DENND10: variants seen among roughly 807,000 people sequenced by gnomAD.
The protein encoded by DENND10 is DENN domain-containing protein 10.
In DENND10, 24 loss-of-function variants were observed where a neutral mutation model predicts 43.6. The ratio of observed to expected loss-of-function variants is 0.55; its 90% confidence interval spans 0.40 to 0.77. The LOEUF (loss-of-function observed/expected upper bound fraction) is 0.77, where lower values mean the gene tolerates loss of function less well. Ranked by LOEUF, DENND10 falls within the 30% of genes least tolerant of loss-of-function variation. The pLI, the probability that DENND10 is intolerant of heterozygous loss-of-function variation, is 0.00. For missense variants in DENND10, 303 were observed against 429.9 expected, an observed-to-expected ratio of 0.70 and a Z score of 2.61; for synonymous variants, 125 against 157.6, an observed-to-expected ratio of 0.79 and a Z score of 1.55.
intron 7 of DENND10, among the ~76,000 whole-genome samples, chr10:119,131,220 A>AG (rs1046789900): frequency 7.9e-5 from 12 of 152,198 alleles, no homozygotes; most frequent in African/African-American, 2.9e-4. Flanking sequence ...GCACTTTGGG[A>AG]GGCCAAGGCG....
Position 119,118,366 on chromosome 10 carries a change from ATC to A in DENND10, c.481+703_481+704del, listed in dbSNP as rs1225801686. On this transcript the variant is annotated intron_variant, in intron 4 of 8. Transcript: ENST00000361432. ...TTTCTTTTCTTAGATCTTAGCAGTT[ATC>A]TCTGTCATCTGAAGAGCCCAAGGCC... is the stretch of plus-strand genomic sequence containing the variant. 2.0e-5 allele frequency among the ~76,000 whole-genome samples: 3 copies of A among 152,322 alleles called. No individual in the cohort carries two copies. The East Asian group carries it at 5.8e-4, about 29-fold the overall frequency.
Position 119,131,794 on chromosome 10 carries a change from G to A in DENND10, c.803-721G>A, listed in dbSNP as rs1460648931. Among the ~76,000 whole-genome samples, 3 of 152,190 alleles carry A rather than the reference G, an allele frequency of 2.0e-5. No individual in the cohort carries two copies. The South Asian group carries it at 6.2e-4, about 31-fold the overall frequency. Reference sequence around the variant, plus strand: ...GGGGTCAGATCTTTACGAAATAACTGCCTTTTGCAAAGCGAAAGTGAAAGA... The same window carrying A: ...GGGGTCAGATCTTTACGAAATAACTACCTTTTGCAAAGCGAAAGTGAAAGA... On this transcript the variant is annotated intron_variant, in intron 7 of 8. Transcript: ENST00000361432.
rs574966465 is a variant in DENND10 at position 119,112,852 on chromosome 10, TTA to T, written c.332+926_332+927del. Among the ~76,000 whole-genome samples, 424 of 151,536 alleles carry T rather than the reference TTA, an allele frequency of 2.8e-3. 1 individual carries two copies. The highest frequency in any genetic ancestry group is 0.014 in the Middle Eastern group (4 of 292). ...GAAGGCTTTTGCAGAGTTTTATTTATTATGTTTTTTTTTTTGAGACAGAGTCT... is the reference window on the plus strand; with the variant it reads ...GAAGGCTTTTGCAGAGTTTTATTTATTGTTTTTTTTTTTGAGACAGAGTCT... On this transcript the variant is annotated intron_variant, in intron 3 of 8. Transcript: ENST00000361432.
intron 3 of DENND10, among the ~76,000 whole-genome samples, chr10:119,115,316 G>C (rs911940819): frequency 1.3e-5 from 2 of 149,478 alleles, no homozygotes; most frequent in African/African-American, 4.9e-5. Context: ...TATTTTACAT[G>C]TGTGAAAGCT....
chr10:119,117,781 C>T (rs928643218), intron 4 of DENND10, 114 bp downstream of exon 4: 11 of 1,011,788 alleles, frequency 1.1e-5, no homozygotes, highest in Admixed American at 8.0e-5. Flanking sequence ...TCCTGGTTAA[C>T]ATGGTGAAAC....
chr10:119,119,593 A>T (rs1473862931), intron 4 of DENND10, among the ~76,000 whole-genome samples: 2 of 149,502 alleles, frequency 1.3e-5, no homozygotes, highest in Admixed American at 1.3e-4. Flanking sequence ...ATTTTTAAAC[A>T]TTTTTTAGAG....
intron 5 of DENND10, among the ~76,000 whole-genome samples, chr10:119,121,602 G>A (rs538818979): frequency 2.0e-5 from 3 of 151,608 alleles, no homozygotes; most frequent in Non-Finnish European, 2.9e-5. Context: ...CTACAGGTGC[G>A]CACCACCACG....
chr10:119,111,593 TTGAG>T (rs1372090369), intron 2 of DENND10, among the ~76,000 whole-genome samples: 2 of 150,872 alleles, frequency 1.3e-5, no homozygotes, highest in Admixed American at 6.6e-5. Flanking sequence ...TTTTTTATAT[TTGAG>T]TGAAGTATTT....
intron 8 of DENND10, among the ~76,000 whole-genome samples, chr10:119,136,245 GGAGTGCAGT>G (rs144557769): frequency 0.35 from 52,696 of 151,582 alleles, 9,856 homozygotes; most frequent in Non-Finnish European, 0.42. Flanking sequence ...TGCCCAGGCT[GGAGTGCAGT>G]GGTGCAATCA....
At position 119,129,501 on chromosome 10, in the gene DENND10, T is replaced by C. The variant is rs1845986482; in HGVS notation, c.695-14T>C. 1 of 1,587,078 alleles carries C rather than the reference T, an allele frequency of 6.3e-7. No homozygotes were observed. The highest frequency in any genetic ancestry group is 2.2e-5 in the East Asian group (1 of 44,744). On this transcript the variant is annotated splice_polypyrimidine_tract_variant and intron_variant, in intron 6 of 8. Transcript: ENST00000361432. ...CTTCCTACTCCAGTAAGGTTGCTCATGTTTGTGATGCAGGTTACGTCGCTG... is the reference window on the plus strand; with the variant it reads ...CTTCCTACTCCAGTAAGGTTGCTCACGTTTGTGATGCAGGTTACGTCGCTG...
Position 119,132,442 on chromosome 10 carries a change from C to T in DENND10, c.803-73C>T. The T allele has an allele frequency of 7.6e-7, 1 of 1,311,498 alleles. No homozygotes were observed. Among genetic ancestry groups the T allele is most frequent in the Non-Finnish European group, 1.1e-6 (1 of 906,310 alleles). 81.2% of individuals were successfully genotyped at this position (1,311,498 alleles called of 1,614,324 possible). On this transcript the variant is annotated intron_variant, in intron 7 of 8. Transcript: ENST00000361432. This position sits in a 1 kb window ranked among gnomAD's most constrained non-coding sequence, Gnocchi z 4.2. ...TTGAAAATTCCCTCAGTGTGGTCTT[C>T]CAAGTTTTCAGATAGATGGCATGAT...
chr10:119,112,060 A>G, intron 3 of DENND10, 132 bp downstream of exon 3: 1 of 667,926 alleles, frequency 1.5e-6, no homozygotes, highest in Non-Finnish European at 2.6e-6. Context: ...GTAGCCCTTC[A>G]CAGACTGTAA....
rs143909592 is a variant in DENND10, at chr10:119,120,140, C to T, written c.482-201C>T. 3.1e-3 allele frequency among the ~76,000 whole-genome samples: 464 copies of T among 151,570 alleles called. 2 individuals carry two copies. The highest frequency in any genetic ancestry group is 0.011 in the African/African-American group (443 of 41,282). ...GTGTGTGCCTGTAATCCCAGCTACT[C>T]GGGAAGCTGAAGCAGGAGAATCGCT... On this transcript the variant is annotated intron_variant, in intron 4 of 8. Transcript: ENST00000361432.
In DENND10 at chr10:119,129,668, T is replaced by C. The variant is rs749377300; in HGVS notation, c.802+46T>C. 9 of 1,371,636 alleles carry C rather than the reference T, an allele frequency of 6.6e-6. No homozygotes were observed. The Admixed American group carries it at 6.8e-5, about 10-fold the overall frequency. 85.0% of individuals were successfully genotyped at this position (1,371,636 alleles called of 1,614,324 possible). ...TTGATACAAGATATAAGCCAAACAG[T>C]TGTACATTTTTAGGCTGATTCTCTA... On this transcript the variant is annotated intron_variant, in intron 7 of 8. Transcript: ENST00000361432.
intron 1 of DENND10, among the ~76,000 whole-genome samples, chr10:119,107,127 G>A (rs1844731148): frequency 6.6e-6 from 1 of 152,016 alleles, no homozygotes; most frequent in African/African-American, 2.4e-5. Context: ...GACCAGCCTG[G>A]CTAACATGGC....
intron 5 of DENND10, 67 bp downstream of exon 5, chr10:119,120,519 T>C (rs1845521590): frequency 1.0e-6 from 1 of 971,558 alleles, no homozygotes; most frequent in Non-Finnish European, 1.7e-6. Flanking sequence ...TAGATGTTAC[T>C]GTGTGCTCTG....
At chr10:119,133,232 T>C (rs908504082) in intron 8 of DENND10, 3 of 154,478 alleles carry the variant, frequency 1.9e-5, no homozygotes, top group African/African-American at 4.8e-5. Context: ...CTCCTTGCAT[T>C]TGGCCTGTTC....
At chr10:119,123,394 A>G in intron 5 of DENND10, 75 bp from the exon 6 acceptor site, 1 of 1,056,012 alleles carries the variant, frequency 9.5e-7, no homozygotes, top group Non-Finnish European at 1.5e-6. Flanking sequence ...CCTTCTCAGG[A>G]AGAGGAGAAG....
chr10:119,125,394 C>T (rs1333282622), intron 6 of DENND10, among the ~76,000 whole-genome samples: 3 of 151,126 alleles, frequency 2.0e-5, no homozygotes. Flanking sequence ...TGTTTTGATA[C>T]AGGCCTACAA....
Sources: gnomAD v4.1 joint callset for allele counts (sites outside exome capture counted in the v4.1 genomes callset) on GRCh38, gnomAD v4.1.1 for gene constraint, Gnocchi (gnomAD v3.1) non-coding constraint, MANE v1.5 for transcripts, NCBI Gene and HGNC (gene_info 2026-07-23, HGNC 2026-07-21) for gene names.